The following SUCO variants were observed in gnomAD, a reference collection of about 807,000 sequenced individuals.
The protein encoded by SUCO is SUN domain-containing ossification factor.
A neutral mutation model predicts 148.1 loss-of-function variants in SUCO; 57 were observed. The ratio of observed to expected loss-of-function variants is 0.38; its 90% CI spans 0.31 to 0.48. SUCO has a LOEUF of 0.48. SUCO is among the 20% of genes least tolerant of loss of function. The pLI is 0.96. For synonymous variants in SUCO, 470 were observed against 502.7 expected (o/e 0.93, Z 0.87); for missense variants, 1,331 against 1,468.2 (o/e 0.91, Z 1.53).
intron 6 of SUCO, 130 bp from the exon 7 acceptor site, chr1:172,568,889 A>T (rs951136765): frequency 7.0e-5 from 64 of 914,462 alleles, no homozygotes; most frequent in Non-Finnish European, 8.7e-5. Flanking sequence ...TACGTTTTTT[A>T]TTTTTTCAAA....
chr1:172,597,388 G>A (rs1238176322), intron 19 of SUCO, among the ~76,000 whole-genome samples: 2 of 152,210 alleles, frequency 1.3e-5, no homozygotes, highest in African/African-American at 4.8e-5. Context: ...GTAGACTGGA[G>A]CTGTTCCTAT....
At chr1:172,574,286 A>C (rs1193634517) in intron 10 of SUCO, among the ~76,000 whole-genome samples, 3 of 152,126 alleles carry the variant, frequency 2.0e-5, no homozygotes, top group Non-Finnish European at 2.9e-5. Context: ...ATGACTTGTG[A>C]GTTTTAGAAC....
At chr1:172,605,160 A>G (rs939046804) in intron 22 of SUCO, among the ~76,000 whole-genome samples, 4 of 151,774 alleles carry the variant, frequency 2.6e-5, no homozygotes, top group Middle Eastern at 3.4e-3. Context: ...GTGTCCTTGG[A>G]TGTACAGTTT....
At chr1:172,588,272 A>G in intron 17 of SUCO, 1 of 985,322 alleles carries the variant, frequency 1.0e-6, no homozygotes, top group Non-Finnish European at 1.2e-6. Flanking sequence ...AAAATAGGGT[A>G]TTCAAGTACA....
chr1:172,610,242 G>A lies in SUCO; in HGVS notation c.3748G>A (p.Val1250Ile), dbSNP rs758467937. 2 of 1,586,886 alleles carry A rather than the reference G, an allele frequency of 1.3e-6. No homozygotes were observed. The highest frequency in any genetic ancestry group is 1.7e-6 in the Non-Finnish European group (2 of 1,170,894). ...CGTGGGAACATTTGGTGTTACAGCA[G>A]TCTCGGGACATATCTAAAATTAATT... is the stretch of plus-strand genomic sequence containing the variant. ...ITVGTFGVTAVSGHI is the reference protein window; with the variant it reads ...ITVGTFGVTAISGHI The change falls in exon 24 of 24, where the codon GTC becomes ATC. Residue 1250 changes from valine (V) to isoleucine (I), a missense_variant. Coordinates refer to ENST00000263688, the MANE Select transcript of SUCO (RefSeq NM_014283.5).
At chr1:172,603,687 T>C (rs900785188) in intron 22 of SUCO, among the ~76,000 whole-genome samples, 1 of 152,004 alleles carries the variant, frequency 6.6e-6, no homozygotes, top group Non-Finnish European at 1.5e-5. Context: ...TCACAAACAA[T>C]ACAGCTGTGC....
chr1:172,600,256 A>C (rs1375984093), intron 20 of SUCO, 88 bp downstream of exon 20: 7 of 924,766 alleles, frequency 7.6e-6, no homozygotes, highest in Non-Finnish European at 1.1e-5. Flanking sequence ...ATGGTACCTA[A>C]AACTTTGACC....
chr1:172,555,378 G>A, intron 3 of SUCO: 1 of 985,356 alleles, frequency 1.0e-6, no homozygotes, highest in Non-Finnish European at 1.2e-6. Context: ...TGTTTTGGAG[G>A]ACTGAAAGGC....
chr1:172,572,571 G>T (rs995565665), intron 9 of SUCO, among the ~76,000 whole-genome samples: 13 of 151,942 alleles, frequency 8.6e-5, no homozygotes, highest in African/African-American at 2.7e-4. Flanking sequence ...GCGGAAGGCC[G>T]CAGGGTCCTC....
In SUCO at chr1:172,589,807, A is replaced by G. The variant is rs1656510576; in HGVS notation, c.2706A>G (p.Gly902=). The G allele has an allele frequency of 1.2e-6, 2 of 1,611,778 alleles. No homozygotes were observed. ...QNSTDLGYAN[G]NLVHGSNQKE... is the part of the protein sequence containing the mutation. ...CTACAGATCTAGGATATGCTAATGG[A>G]AATCTTGTACATGGATCAAACCAAA... The change falls in exon 18 of 24, where the codon GGA becomes GGG. Residue 902 remains glycine, a synonymous_variant. Coordinates refer to ENST00000263688, the MANE Select transcript of SUCO (RefSeq NM_014283.5).
intron 15 of SUCO, among the ~76,000 whole-genome samples, chr1:172,582,027 C>G (rs1655914770): frequency 6.6e-6 from 1 of 152,190 alleles, no homozygotes; most frequent in Non-Finnish European, 1.5e-5. Context: ...TCTTTTACAT[C>G]AGCAAGATTT....
In SUCO at chr1:172,572,975, C is replaced by T. The variant is rs143278394; in HGVS notation, c.1050-916C>T. On this transcript the variant is annotated intron_variant, in intron 9 of 23. Coordinates refer to ENST00000263688, the MANE Select transcript of SUCO (RefSeq NM_014283.5). ...ACCATGCTTTTAATTTTTTCCTAAGCAGCAATATTTTTGGCATCTTTCCAT... is the reference window on the plus strand; with the variant it reads ...ACCATGCTTTTAATTTTTTCCTAAGTAGCAATATTTTTGGCATCTTTCCAT... Among the ~76,000 whole-genome samples, 1,032 of 152,028 alleles carry T rather than the reference C, an allele frequency of 6.8e-3. 9 individuals carry two copies. The highest frequency in any genetic ancestry group is 0.024 in the African/African-American group (994 of 41,442).
chr1:172,583,176 C>T lies in SUCO; in HGVS notation c.1499-1842C>T, dbSNP rs575771721. 1.7e-4 allele frequency among the ~76,000 whole-genome samples: 26 copies of T among 152,158 alleles called. 1 individual carries two copies. The South Asian group carries it at 4.1e-3, about 24-fold the overall frequency. On this transcript the variant is annotated intron_variant, in intron 15 of 23. Transcript: ENST00000263688. The stretch of plus-strand genomic sequence containing the variant: ...GTATGAGGAAATAACAGTTTCCATT[C>T]CAGACTTCATCTTGGTTTATGAGGG...
At position 172,589,189 on chromosome 1, in the gene SUCO, T is replaced by C; in HGVS notation, c.2088T>C (p.Thr696=). The C allele has an allele frequency of 6.2e-7, 1 of 1,614,010 alleles. No homozygotes were observed. The highest frequency in any genetic ancestry group is 8.5e-7 in the Non-Finnish European group (1 of 1,179,932). ...ENTNIEREAE[T]VVLGDLSSSM... is the part of the protein sequence containing the mutation. ...CGAATATAGAAAGGGAAGCTGAAAC[T>C]GTTGTTCTGGGTGATTTAAGTAGTA... Residue 696 remains threonine (T), a synonymous_variant, in exon 18 of 24, where the codon ACT becomes ACC. Coordinates refer to ENST00000263688, the MANE Select transcript of SUCO (RefSeq NM_014283.5).
intron 1 of SUCO, among the ~76,000 whole-genome samples, chr1:172,538,380 T>C (rs1341409337): frequency 6.6e-6 from 1 of 152,194 alleles, no homozygotes; most frequent in African/African-American, 2.4e-5. Flanking sequence ...TTTTCTCTCA[T>C]GATTGCTGGT....
chr1:172,593,026 C>G (rs1656788297), intron 19 of SUCO, among the ~76,000 whole-genome samples: 1 of 152,116 alleles, frequency 6.6e-6, no homozygotes, highest in Non-Finnish European at 1.5e-5. Context: ...ATTTTATTCT[C>G]TTTGAAGCAA....
At chr1:172,594,882 A>G (rs1378978524) in intron 19 of SUCO, among the ~76,000 whole-genome samples, 1 of 152,120 alleles carries the variant, frequency 6.6e-6, no homozygotes, top group Non-Finnish European at 1.5e-5. Flanking sequence ...TGGGGTGTTA[A>G]AGTCTCCCAT....
chr1:172,587,125 G>A (rs967221972), intron 17 of SUCO, among the ~76,000 whole-genome samples: 4 of 151,428 alleles, frequency 2.6e-5, no homozygotes, highest in Non-Finnish European at 4.4e-5. Flanking sequence ...AGGAATATTT[G>A]TTGAAAGCTG....
At chr1:172,543,052 G>T in intron 1 of SUCO, 2 of 896,398 alleles carry the variant, frequency 2.2e-6, no homozygotes, top group Non-Finnish European at 1.3e-6. Context: ...AAAAAAAAAA[G>T]TTAACATGTA....
Sources: allele counts gnomAD v4.1 joint callset (sites outside exome capture counted in the v4.1 genomes callset), GRCh38; gene constraint gnomAD v4.1.1; transcripts MANE v1.5; gene names NCBI Gene and HGNC (gene_info 2026-07-23, HGNC 2026-07-21).